Variants in GRIA4 observed in about 807,000 individuals in gnomAD.
GRIA4 encodes the protein glutamate ionotropic receptor AMPA type subunit 4.
GRIA4 carries 34 observed loss-of-function variants against 104.0 expected under a neutral mutation model. That is an observed-to-expected ratio of 0.33 (90% CI 0.25 to 0.44). GRIA4 has a LOEUF of 0.44. GRIA4 is among the 20% of genes least tolerant of loss of function. The pLI, the probability that GRIA4 is intolerant of heterozygous loss-of-function variation, is 1.00. For missense variants in GRIA4, 750 were observed against 1,096.5 expected, an observed-to-expected ratio of 0.68 and a Z score of 4.46; for synonymous variants, 386 against 381.9, an observed-to-expected ratio of 1.01 and a Z score of -0.13.
intron 3 of GRIA4, among the ~76,000 whole-genome samples, chr11:105,621,094 GTATT>G (rs1950732979): frequency 6.6e-6 from 1 of 151,734 alleles, no homozygotes; most frequent in African/African-American, 2.4e-5. Context: ...TATTTGAGAT[GTATT>G]CCTTCTTTCA....
intron 6 of GRIA4, among the ~76,000 whole-genome samples, chr11:105,895,862 G>A (rs1226289014): frequency 1.3e-5 from 2 of 152,050 alleles, no homozygotes; most frequent in African/African-American, 4.8e-5. Context: ...CTTTACTATT[G>A]TGAATACTGC....
chr11:105,612,603 A>G (rs1950508614), intron 3 of GRIA4, 169 bp downstream of exon 3: 2 of 396,434 alleles, frequency 5.0e-6, no homozygotes, highest in African/African-American at 1.2e-4. Flanking sequence ...AGGGATATTT[A>G]GTTGTTTTTT....
chr11:105,751,186 T>C (rs910153369), intron 3 of GRIA4, among the ~76,000 whole-genome samples: 1 of 152,114 alleles, frequency 6.6e-6, no homozygotes, highest in African/African-American at 2.4e-5. Context: ...AAATACAAAT[T>C]AATTGAACCA....
At chr11:105,633,229 A>G (rs1372382294) in intron 3 of GRIA4, among the ~76,000 whole-genome samples, 1 of 152,238 alleles carries the variant, frequency 6.6e-6, no homozygotes, top group African/African-American at 2.4e-5. Flanking sequence ...ACTTAAATTC[A>G]AAAGATTCAT....
At chr11:105,682,235 A>G (rs1000666112) in intron 3 of GRIA4, among the ~76,000 whole-genome samples, 1 of 152,026 alleles carries the variant, frequency 6.6e-6, no homozygotes, top group African/African-American at 2.4e-5. Flanking sequence ...TACTTTTGAG[A>G]TGGGGGGTCT....
chr11:105,793,133 C>G (rs1007122482), intron 4 of GRIA4, among the ~76,000 whole-genome samples: 4 of 152,082 alleles, frequency 2.6e-5, no homozygotes, highest in African/African-American at 9.7e-5. Context: ...TAGAGAACTA[C>G]CAAATGCTGA....
chr11:105,939,239 G>A (rs759862729), intron 14 of GRIA4, among the ~76,000 whole-genome samples: 3 of 152,166 alleles, frequency 2.0e-5, no homozygotes, highest in Non-Finnish European at 4.4e-5. Flanking sequence ...ATAGCAGCCT[G>A]AGTAGGTAAC....
chr11:105,665,822 A>G (rs569581291), intron 3 of GRIA4, among the ~76,000 whole-genome samples: 1 of 152,140 alleles, frequency 6.6e-6, no homozygotes, highest in African/African-American at 2.4e-5. Flanking sequence ...ACTTCCTTCA[A>G]TGAATTTAAT....
intron 3 of GRIA4, among the ~76,000 whole-genome samples, chr11:105,671,460 T>G (rs898959062): frequency 6.6e-6 from 1 of 151,758 alleles, no homozygotes; most frequent in Non-Finnish European, 1.5e-5. Flanking sequence ...GTGAATCACC[T>G]AGGGTCAGGA....
chr11:105,740,370 T>C (rs1939229920), intron 3 of GRIA4, among the ~76,000 whole-genome samples: 1 of 152,170 alleles, frequency 6.6e-6, no homozygotes, highest in South Asian at 2.1e-4. Flanking sequence ...AAGTAAGACT[T>C]TTGTGGCTTT....
chr11:105,863,571 T>C (rs1377522191), intron 5 of GRIA4, among the ~76,000 whole-genome samples: 1 of 152,166 alleles, frequency 6.6e-6, no homozygotes, highest in Non-Finnish European at 1.5e-5. Flanking sequence ...ATCTTTCTTC[T>C]TTCTTAAGCA....
chr11:105,737,101 G>C (rs949636335), intron 3 of GRIA4, among the ~76,000 whole-genome samples: 2 of 151,986 alleles, frequency 1.3e-5, no homozygotes, highest in Admixed American at 6.6e-5. Flanking sequence ...TTATAAATCA[G>C]AATTTATTTA....
intron 5 of GRIA4, among the ~76,000 whole-genome samples, chr11:105,870,047 C>T (rs1945557662): frequency 2.0e-5 from 3 of 151,940 alleles, no homozygotes; most frequent in South Asian, 4.2e-4. Flanking sequence ...TTTCCCAGGG[C>T]CATATATACC....
At chr11:105,827,488 A>T (rs1565267363) in intron 4 of GRIA4, among the ~76,000 whole-genome samples, 1 of 152,052 alleles carries the variant, frequency 6.6e-6, no homozygotes, top group African/African-American at 2.4e-5. Flanking sequence ...CTTAAAATAA[A>T]TCTTCTTCAT....
chr11:105,815,522 T>A (rs572957140), intron 4 of GRIA4, among the ~76,000 whole-genome samples: 1 of 152,164 alleles, frequency 6.6e-6, no homozygotes, highest in African/African-American at 2.4e-5. Flanking sequence ...ATGTGTTGGG[T>A]CACCTTCAGT....
intron 7 of GRIA4, among the ~76,000 whole-genome samples, chr11:105,900,093 G>T (rs1445383794): frequency 6.6e-6 from 1 of 152,142 alleles, no homozygotes; most frequent in Non-Finnish European, 1.5e-5. Flanking sequence ...GGGACCTTGT[G>T]TGTTGGGTTA....
intron 10 of GRIA4, among the ~76,000 whole-genome samples, chr11:105,914,057 T>C (rs1335880260): frequency 6.6e-6 from 1 of 151,754 alleles, no homozygotes; most frequent in African/African-American, 2.4e-5. Context: ...TTATATAAAA[T>C]GTATTATATA....
intron 3 of GRIA4, among the ~76,000 whole-genome samples, chr11:105,734,898 C>G (rs1938834618): frequency 6.6e-6 from 1 of 152,146 alleles, no homozygotes; most frequent in South Asian, 2.1e-4. Context: ...TGTGAATTCT[C>G]TACTGGGGTG....
intron 16 of GRIA4, among the ~76,000 whole-genome samples, chr11:105,976,666 T>C (rs1858998789): frequency 6.6e-6 from 1 of 151,948 alleles, no homozygotes; most frequent in African/African-American, 2.4e-5. Flanking sequence ...AATTCAAAAA[T>C]AATATTGCCC....
Sources: allele counts gnomAD v4.1 joint callset (sites outside exome capture counted in the v4.1 genomes callset), GRCh38; gene constraint gnomAD v4.1.1; transcripts MANE v1.5; gene names NCBI Gene and HGNC (gene_info 2026-07-23, HGNC 2026-07-21).